INO80: variants seen among roughly 807,000 people sequenced by gnomAD.
INO80 encodes INO80 complex ATPase subunit, also known as chromatin-remodeling ATPase INO80.
Under a neutral mutation model 203.4 loss-of-function variants are expected in INO80, and 20 were observed. The ratio of observed to expected loss-of-function variants is 0.10; its 90% CI spans 0.07 to 0.14. The LOEUF is 0.14. Ranked by LOEUF, INO80 falls within the 10% of genes least tolerant of loss-of-function variation. The probability of loss-of-function intolerance (pLI) is 1.00; values close to 1 mark genes in which losing one functional copy is unlikely to be tolerated. For synonymous variants in INO80, 726 were observed against 685.2 expected (o/e 1.06, Z -0.93); for missense variants, 1,419 against 1,914.4 (o/e 0.74, Z 4.83).
intron 14 of INO80, among the ~76,000 whole-genome samples, chr15:41,068,458 G>A (rs1034598995): frequency 1.1e-4 from 16 of 152,172 alleles, no homozygotes; most frequent in African/African-American, 3.9e-4. Context: ...CTACTCGGGA[G>A]GCTGAGGCAG....
chr15:41,083,645 C>T lies in INO80; in HGVS notation c.873+1724G>A, dbSNP rs186715181. ...GGGAGAATCGCTGAAACCCAGGAGGCAGAGGTTGCAGTGAGCCAAGATCAC... is the reference window on the plus strand; with the variant it reads ...GGGAGAATCGCTGAAACCCAGGAGGTAGAGGTTGCAGTGAGCCAAGATCAC... On this transcript the variant is annotated intron_variant, in intron 7 of 35. Coordinates refer to ENST00000648947, the MANE Select transcript of INO80 (RefSeq NM_017553.3). Among the ~76,000 whole-genome samples the T allele has an allele frequency of 2.8e-3, 396 of 142,992 alleles. 3 individuals carry two copies. The highest frequency in any genetic ancestry group is 0.013 in the South Asian group (59 of 4,650). 93.8% of individuals were successfully genotyped at this position (142,992 alleles called of 152,430 possible).
At position 41,116,052 on chromosome 15, in the gene INO80, C is replaced by G; in HGVS notation, c.-123G>C. The G allele has an allele frequency of 5.1e-6, 2 of 395,270 alleles. No individual in the cohort carries two copies. The highest frequency in any genetic ancestry group is 8.9e-6 in the Non-Finnish European group (2 of 223,926). The allele number at this position is 395,270 out of a possible 1,614,324, so 24.5% of individuals were successfully genotyped here. ...GGCGGGGTCCGGAGGGGGGGGTCGC[C>G]CCGCCGACGGTGGAGCCGCGGTTCG... On this transcript the variant is annotated 5_prime_UTR_variant, in exon 1 of 36. Transcript: ENST00000648947.
intron 1 of INO80, among the ~76,000 whole-genome samples, chr15:41,111,980 C>T (rs1036112015): frequency 1.3e-5 from 2 of 152,166 alleles, no homozygotes; most frequent in African/African-American, 4.8e-5. Context: ...TCAGGGTTCA[C>T]TGTAGCCTCA....
In INO80 at chr15:41,065,826, G is replaced by GCAGT. The variant is rs529092107; in HGVS notation, c.1782+3740_1782+3743dup. The stretch of plus-strand genomic sequence containing the variant: ...TTCAGAATAAGCAAATCCAGCCACA[G>GCAGT]CAGTCAAATTTGTGGTTGCCAGAGG... On this transcript the variant is annotated intron_variant, in intron 14 of 35. Transcript: ENST00000648947. Among the ~76,000 whole-genome samples, 409 of 152,236 alleles carry GCAGT rather than the reference G, an allele frequency of 2.7e-3. 3 individuals carry two copies. Among genetic ancestry groups the GCAGT allele is most frequent in the South Asian group, 0.013 (61 of 4,828 alleles).
chr15:41,091,700 G>A (rs2045646666), intron 5 of INO80, among the ~76,000 whole-genome samples: 1 of 143,224 alleles, frequency 7.0e-6, no homozygotes, highest in African/African-American at 2.7e-5. Context: ...CTGTCGCCAG[G>A]CTGGAGTGCA....
intron 16 of INO80, among the ~76,000 whole-genome samples, chr15:41,057,409 G>A (rs554056763): frequency 2.7e-4 from 40 of 149,540 alleles, no homozygotes; most frequent in African/African-American, 5.9e-4. Context: ...CCCCAACTGC[G>A]CCACTGCACC....
At chr15:41,027,961 T>C in intron 24 of INO80, 1 of 319,434 alleles carries the variant, frequency 3.1e-6, no homozygotes, top group Non-Finnish European at 5.7e-6. Flanking sequence ...CAACTGTCAT[T>C]TATAATTCTA....
chr15:41,093,083 G>A (rs1444647801), intron 4 of INO80, among the ~76,000 whole-genome samples: 1 of 152,064 alleles, frequency 6.6e-6, no homozygotes, highest in East Asian at 1.9e-4. Context: ...CATCAATACA[G>A]ACAAAAAGCA....
intron 24 of INO80, among the ~76,000 whole-genome samples, chr15:41,028,912 C>A (rs1341431519): frequency 6.6e-6 from 1 of 152,118 alleles, no homozygotes; most frequent in Non-Finnish European, 1.5e-5. Context: ...CAGGTCACAG[C>A]CAGTCATATG....
In INO80 at chr15:41,047,373, C is replaced by T. The variant is rs199996616; in HGVS notation, c.2735+35G>A. 4.2e-5 allele frequency: 55 copies of T among 1,317,842 alleles called. No homozygotes were observed. In the East Asian group the frequency reaches 1.1e-3, roughly 25 times the overall value. The allele number at this position is 1,317,842 out of a possible 1,614,324, so 81.6% of individuals were successfully genotyped here. On this transcript the variant is annotated intron_variant, in intron 23 of 35. Transcript: ENST00000648947. ...CAATATCTATCCCATTTATTCCTAA[C>T]TGGCCTCTTATCAAGCAATAAGCAA...
intron 32 of INO80, among the ~76,000 whole-genome samples, chr15:40,984,903 G>C (rs1041887654): frequency 6.6e-6 from 1 of 152,200 alleles, no homozygotes; most frequent in Non-Finnish European, 1.5e-5. Context: ...AAAAACAGAT[G>C]AACAGACATT....
In INO80 at chr15:41,081,069, T is replaced by C. The variant is rs1282609024; in HGVS notation, c.878A>G (p.Asn293Ser). ...SIVKKELPKA[N>S]KQKASARNLF... ...GTTACGAGCTGAAGCTTTCTGCTTA[T>C]TTGCCTAAAATATTTAAAAAACAAT... The change falls in exon 8 of 36, where the codon AAT (asparagine) becomes AGT (serine). Residue 293 changes from asparagine to serine, a missense_variant. Physicochemically the swap from Asn to Ser is conservative, Grantham distance 46. Around this residue, in one of 9 missense-constraint regions of INO80, gnomAD observed 87 missense variants for 150.5 expected, o/e 0.58. Transcript: ENST00000648947. The C allele has an allele frequency of 1.9e-6, 3 of 1,584,698 alleles. No homozygotes were observed. Among genetic ancestry groups the C allele is most frequent in the Non-Finnish European group, 1.7e-6 (2 of 1,153,810 alleles).
At position 40,980,254 on chromosome 15, in the gene INO80, C is replaced by T; in HGVS notation, c.4640G>A (p.Gly1547Asp). The change falls in exon 36 of 36, where the codon GGC (glycine) becomes GAC (aspartate). Residue 1547 changes from glycine (G) to aspartate (D), a missense_variant. Gly to Asp is a moderately conservative substitution (Grantham distance 94). This residue lies in a region of INO80 where 112 missense variants were observed against 106.2 expected (regional missense o/e 1.05). Coordinates refer to ENST00000648947, the MANE Select transcript of INO80 (RefSeq NM_017553.3). ...LAPDSLVRKQ[G>D]KGTNPSGGR ...TCCTCCAGAGGGGTTGGTGCCTTTGCCCTGTTTCCGGACCAGAGAGTCTGG... is the reference window on the plus strand; with the variant it reads ...TCCTCCAGAGGGGTTGGTGCCTTTGTCCTGTTTCCGGACCAGAGAGTCTGG... 2 of 1,613,120 alleles carry T rather than the reference C, an allele frequency of 1.2e-6. No individual in the cohort carries two copies. The highest frequency in any genetic ancestry group is 1.7e-6 in the Non-Finnish European group (2 of 1,180,038).
At chr15:41,003,745 TA>T (rs1251035332) in intron 28 of INO80, among the ~76,000 whole-genome samples, 2 of 152,186 alleles carry the variant, frequency 1.3e-5, no homozygotes, top group African/African-American at 4.8e-5. Flanking sequence ...AAAAGATCCT[TA>T]AATGTACAGT....
At chr15:41,017,339 G>C (rs981269174) in intron 26 of INO80, 1 of 152,222 alleles carries the variant, frequency 6.6e-6, no homozygotes, top group Non-Finnish European at 1.5e-5. Context: ...CTGTCATTAA[G>C]AGGGGAAGAG....
chr15:41,083,470 C>A (rs1191231207), intron 7 of INO80, among the ~76,000 whole-genome samples: 2 of 152,006 alleles, frequency 1.3e-5, no homozygotes, highest in African/African-American at 4.8e-5. Flanking sequence ...CTTTGGAAAG[C>A]TGAGGTGAGC....
chr15:41,106,035 A>T (rs1312959393), intron 1 of INO80, among the ~76,000 whole-genome samples: 1 of 152,138 alleles, frequency 6.6e-6, no homozygotes, highest in Admixed American at 6.6e-5. Context: ...AGGCAGGAGG[A>T]CTGCTTGAGC....
intron 28 of INO80, among the ~76,000 whole-genome samples, chr15:41,003,650 T>A (rs1340358508): frequency 6.6e-6 from 1 of 152,088 alleles, no homozygotes; most frequent in East Asian, 1.9e-4. Context: ...TCTTTAAATA[T>A]TTTTCAAATT....
chr15:41,086,596 A>G (rs574695308), intron 6 of INO80, among the ~76,000 whole-genome samples: 6 of 151,772 alleles, frequency 4.0e-5, no homozygotes, highest in Non-Finnish European at 8.8e-5. Flanking sequence ...GGTTGCAGTG[A>G]GCTGAGATCA....
Sources: gnomAD v4.1 joint callset for allele counts (sites outside exome capture counted in the v4.1 genomes callset) on GRCh38, gnomAD v4.1.1 for gene constraint, gnomAD v4.1.1 regional missense constraint, MANE v1.5 for transcripts, NCBI Gene and HGNC (gene_info 2026-07-23, HGNC 2026-07-21) for gene names.